The following RALGAPA1 variants were observed in gnomAD, a reference collection of about 807,000 sequenced individuals.
The protein encoded by RALGAPA1 is Ral GTPase activating protein catalytic subunit alpha 1, also known as ral GTPase-activating protein subunit alpha-1.
A neutral mutation model predicts 269.6 loss-of-function variants in RALGAPA1; 52 were observed. The observed-to-expected ratio is 0.19, with a 90% CI of 0.15 to 0.24. The LOEUF is 0.24. RALGAPA1 is among the 10% of genes least tolerant of loss of function. The probability of loss-of-function intolerance (pLI) is 1.00; values close to 1 mark genes in which losing one functional copy is unlikely to be tolerated. For missense variants in RALGAPA1, 1,917 were observed against 3,013.9 expected (o/e 0.64, Z 8.52); for synonymous variants, 817 against 1,008.3 (o/e 0.81, Z 3.60).
At chr14:35,761,105 C>G in intron 5 of RALGAPA1, 99 bp from the exon 6 acceptor site, 1 of 824,462 alleles carries the variant, frequency 1.2e-6, no homozygotes, top group Non-Finnish European at 1.8e-6. Context: ...CAGAATGATA[C>G]TTTCGAGAGG....
At chr14:35,742,012 A>C (rs544270662) in intron 11 of RALGAPA1, among the ~76,000 whole-genome samples, 1 of 152,338 alleles carries the variant, frequency 6.6e-6, no homozygotes, top group Non-Finnish European at 1.5e-5. Context: ...GGAAAGGAGG[A>C]ACTGTGGTTT....
At chr14:35,794,517 C>T (rs2076416484) in intron 1 of RALGAPA1, among the ~76,000 whole-genome samples, 1 of 152,076 alleles carries the variant, frequency 6.6e-6, no homozygotes, top group African/African-American at 2.4e-5. Flanking sequence ...AGTGCAGTGG[C>T]GCAGTCTCGG....
chr14:35,776,245 G>T (rs1373868796), intron 1 of RALGAPA1, among the ~76,000 whole-genome samples: 1 of 152,072 alleles, frequency 6.6e-6, no homozygotes, highest in Non-Finnish European at 1.5e-5. Flanking sequence ...GCTGGGTGTG[G>T]TGGCGTGCAC....
At chr14:35,716,031 C>T (rs2068788049) in intron 16 of RALGAPA1, 1 of 984,824 alleles carries the variant, frequency 1.0e-6, no homozygotes. Context: ...CAATACGAGT[C>T]ATGTAATGAC....
At chr14:35,769,035 A>AATATATATATAT (rs200538547) in intron 4 of RALGAPA1, among the ~76,000 whole-genome samples, 15 of 58,304 alleles carry the variant, frequency 2.6e-4, no homozygotes, top group African/African-American at 1.3e-3. Context: ...AAAAAAAAAA[A>AATATATATATAT]ATATATATAT....
chr14:35,612,586 T>A (rs2060012118), intron 35 of RALGAPA1, among the ~76,000 whole-genome samples: 1 of 151,016 alleles, frequency 6.6e-6, no homozygotes, highest in Non-Finnish European at 1.5e-5. Flanking sequence ...TCGCCCAGGC[T>A]GGAGTGCAGT....
chr14:35,572,575 T>C lies in RALGAPA1; in HGVS notation c.7353A>G (p.Ile2451Met), dbSNP rs754102933. ...GAGTTCTTACCTCTGGTTTTTTCATTATCTGAATACTGAACATGTGATTTT... is the reference window on the plus strand; with the variant it reads ...GAGTTCTTACCTCTGGTTTTTTCATCATCTGAATACTGAACATGTGATTTT... ...PMKNHMFSIQ[I>M]MKKPEVPFFG... The change falls in exon 38 of 42, where the codon ATA (isoleucine) becomes ATG (methionine). Residue 2451 changes from isoleucine (I) to methionine (M), a missense_variant. Physicochemically the swap from Ile to Met is conservative, Grantham distance 10 (BLOSUM62 1). This residue lies in a region of RALGAPA1 where 91 missense variants were observed against 130.9 expected (regional missense o/e 0.70). Coordinates refer to ENST00000680220, the MANE Select transcript of RALGAPA1 (RefSeq NM_001346249.2). 1 of 1,599,942 alleles carries C rather than the reference T, an allele frequency of 6.3e-7. No homozygotes were observed. Among genetic ancestry groups the C allele is most frequent in the East Asian group, 2.2e-5 (1 of 44,456 alleles).
In RALGAPA1 at chr14:35,789,547, G is replaced by A. The variant is rs550277761; in HGVS notation, c.107-13802C>T. Among the ~76,000 whole-genome samples, 8 of 151,922 alleles carry A rather than the reference G, an allele frequency of 5.3e-5. No homozygotes were observed. In the South Asian group the frequency reaches 1.3e-3, roughly 24 times the overall value. On this transcript the variant is annotated intron_variant, in intron 1 of 41. Coordinates refer to ENST00000680220, the MANE Select transcript of RALGAPA1 (RefSeq NM_001346249.2). ...GTGTAAGTTGCAGTGAGCCGAGATC[G>A]TGCCACTGCACTGCAGCCTGGGTGA...
At chr14:35,616,204 A>G (rs1482457736) in intron 35 of RALGAPA1, among the ~76,000 whole-genome samples, 1 of 152,148 alleles carries the variant, frequency 6.6e-6, no homozygotes, top group East Asian at 1.9e-4. Context: ...CAGGAGGAAG[A>G]TCCGATTTTG....
intron 12 of RALGAPA1, among the ~76,000 whole-genome samples, chr14:35,734,955 A>C (rs911936336): frequency 2.0e-5 from 3 of 152,154 alleles, no homozygotes; most frequent in African/African-American, 7.2e-5. Context: ...AAAAATGCTC[A>C]AAATCATTAA....
chr14:35,738,530 T>C lies in RALGAPA1; in HGVS notation c.1570A>G (p.Thr524Ala). ...EATEQNIRAG[T>A]QAVLQVFIIN... ...TGATCCACCTGCAAAACTGCCTGGG[T>C]ACCAGCTCGTATGTTTTGTTCTGTG... The change falls in exon 12 of 42, where the codon ACC becomes GCC. Residue 524 changes from threonine to alanine, a missense_variant. Transcript: ENST00000680220. The C allele has an allele frequency of 6.2e-7, 1 of 1,605,048 alleles. No homozygotes were observed. The highest frequency in any genetic ancestry group is 8.5e-7 in the Non-Finnish European group (1 of 1,177,614).
At chr14:35,705,082 C>T (rs181153354) in intron 16 of RALGAPA1, among the ~76,000 whole-genome samples, 35 of 152,194 alleles carry the variant, frequency 2.3e-4, no homozygotes, top group African/African-American at 7.7e-4. Context: ...ACATCCCTTT[C>T]CCCCTCCCTA....
intron 39 of RALGAPA1, among the ~76,000 whole-genome samples, chr14:35,551,965 G>GA (rs1439580553): frequency 6.6e-6 from 1 of 152,148 alleles, no homozygotes; most frequent in South Asian, 2.1e-4. Context: ...GAATTTAAAT[G>GA]AAAAAACTAC....
chr14:35,806,839 T>A lies in RALGAPA1; in HGVS notation c.106+1891A>T, dbSNP rs79902422. ...TGATTGGCAGACCTCTAAAAGACAC[T>A]AGTTTTTGTCATTCTACTTTCTCTC... On this transcript the variant is annotated intron_variant, in intron 1 of 41. Transcript: ENST00000680220. Among the ~76,000 whole-genome samples, 315 of 152,326 alleles carry A rather than the reference T, an allele frequency of 2.1e-3. 1 individual carries two copies. The highest frequency in any genetic ancestry group is 7.4e-3 in the African/African-American group (307 of 41,584).
chr14:35,782,039 C>A (rs951862584), intron 1 of RALGAPA1, among the ~76,000 whole-genome samples: 2 of 152,134 alleles, frequency 1.3e-5, no homozygotes, highest in Admixed American at 6.5e-5. Context: ...GCATTACTAT[C>A]TCTACTCATA....
chr14:35,677,853 T>C, intron 22 of RALGAPA1, 97 bp downstream of exon 22: 4 of 1,145,772 alleles, frequency 3.5e-6, no homozygotes, highest in Non-Finnish European at 5.0e-6. Context: ...ATATTTACAA[T>C]AATCATATAT....
chr14:35,699,284 C>G lies in RALGAPA1; in HGVS notation c.2407+878G>C, dbSNP rs2067146642. 2.0e-5 allele frequency among the ~76,000 whole-genome samples: 3 copies of G among 151,992 alleles called. No homozygotes were observed. The South Asian group carries it at 6.2e-4, about 31-fold the overall frequency. On this transcript the variant is annotated intron_variant, in intron 17 of 41. Coordinates refer to ENST00000680220, the MANE Select transcript of RALGAPA1 (RefSeq NM_001346249.2). ...AACAAAACTGATCTATGGTGATGAA[C>G]AGCAAAAAGTTGTATTTGCGTGGAG...
intron 12 of RALGAPA1, among the ~76,000 whole-genome samples, chr14:35,737,082 C>T (rs2071076082): frequency 6.8e-6 from 1 of 148,020 alleles, no homozygotes; most frequent in African/African-American, 2.5e-5. Context: ...CTCCTACAAA[C>T]CATTAAGAGA....
At chr14:35,764,512 C>A (rs953786477) in intron 4 of RALGAPA1, among the ~76,000 whole-genome samples, 1 of 151,928 alleles carries the variant, frequency 6.6e-6, no homozygotes, top group Non-Finnish European at 1.5e-5. Context: ...GAGGTGGTAT[C>A]TTCTGATGCA....
Sources: allele counts gnomAD v4.1 joint callset (sites outside exome capture counted in the v4.1 genomes callset), GRCh38; gene constraint gnomAD v4.1.1; regional missense constraint gnomAD v4.1.1; transcripts MANE v1.5; gene names NCBI Gene and HGNC (gene_info 2026-07-23, HGNC 2026-07-21).